YAE1: variants seen among roughly 807,000 people sequenced by gnomAD.
The protein encoded by YAE1 is YAE1 maturation factor of ABCE1.
In YAE1, 22 loss-of-function variants were observed where a neutral mutation model predicts 23.0. That is an observed-to-expected ratio of 0.96 (90% CI 0.68 to 1.37). The LOEUF is 1.37. Ranked by LOEUF, YAE1 falls within the 40% of genes most tolerant of loss-of-function variation. The pLI, the probability that YAE1 is intolerant of heterozygous loss-of-function variation, is 0.00. For missense variants in YAE1, 260 were observed against 262.1 expected (o/e 0.99, Z 0.06); for synonymous variants, 101 against 97.0 (o/e 1.04, Z -0.24).
At chr7:39,576,733 T>G (rs1016102065), downstream of YAE1, among the ~76,000 whole-genome samples, 1 of 152,080 alleles carries the variant, frequency 6.6e-6, no homozygotes, top group Non-Finnish European at 1.5e-5. Flanking sequence ...TTATTTAGTG[T>G]TATAGTCCCA....
chr7:39,593,177 CT>C (rs56303591), intron 2 of YAE1, among the ~76,000 whole-genome samples: 32 of 72,114 alleles, frequency 4.4e-4, no homozygotes, highest in Middle Eastern at 0.024. Context: ...TTGGTTATTT[CT>C]TTTTTTTTTT....
intron 2 of YAE1, 85 bp from the exon 3 acceptor site, chr7:39,572,192 C>T (rs919446488): frequency 1.5e-6 from 2 of 1,346,528 alleles, no homozygotes; most frequent in East Asian, 5.0e-5. Context: ...ATGATTAAGT[C>T]CAATCGTTTA....
chr7:39,573,370 T>C (rs183738190), downstream of YAE1, among the ~76,000 whole-genome samples: 2 of 152,318 alleles, frequency 1.3e-5, no homozygotes, highest in Admixed American at 1.3e-4. Flanking sequence ...GTTAGTAATA[T>C]TGCCTAACAG....
intron 2 of YAE1, among the ~76,000 whole-genome samples, chr7:39,598,419 T>TTG (rs1791008852): frequency 6.6e-6 from 1 of 151,770 alleles, no homozygotes; most frequent in African/African-American, 2.4e-5. Context: ...CAAGTTTTTT[T>TTG]TTTTTTTTTT....
chr7:39,569,140 T>C (rs1790524705), intron 1 of YAE1, among the ~76,000 whole-genome samples: 2 of 152,184 alleles, frequency 1.3e-5, no homozygotes, highest in African/African-American at 4.8e-5. Flanking sequence ...ATAAATCTTA[T>C]TGTTTGGCAA....
chr7:39,585,031 T>C (rs1281300717), intron 2 of YAE1, among the ~76,000 whole-genome samples: 1 of 152,186 alleles, frequency 6.6e-6, no homozygotes, highest in African/African-American at 2.4e-5. Context: ...ATGTCCTTCA[T>C]AGATAAGGAG....
At chr7:39,576,956 G>A (rs547772475), downstream of YAE1, among the ~76,000 whole-genome samples, 11 of 152,070 alleles carry the variant, frequency 7.2e-5, no homozygotes, top group South Asian at 2.1e-4. Context: ...GTGCAATGGC[G>A]CAATCTCGGC....
intron 2 of YAE1, among the ~76,000 whole-genome samples, chr7:39,579,470 A>G (rs1790709129): frequency 1.3e-5 from 2 of 152,194 alleles, no homozygotes; most frequent in Admixed American, 6.5e-5. Context: ...GGAGTTCGAG[A>G]CCAGCCTGGC....
rs140030699 is a variant in YAE1 at position 39,590,258 on chromosome 7, T to C, written c.252-19359T>C. ...CTTAAATGGTAATCTTTTTAATTAA[T>C]GGAGATATTTTAAAACAGATAATCA... On this transcript the variant is annotated intron_variant, in intron 2 of 2. Transcript: ENST00000432096. Among the ~76,000 whole-genome samples, 238 of 152,358 alleles carry C rather than the reference T, an allele frequency of 1.6e-3. 1 individual carries two copies. The highest frequency in any genetic ancestry group is 2.5e-3 in the Admixed American group (38 of 15,296).
intron 2 of YAE1, among the ~76,000 whole-genome samples, chr7:39,595,269 C>T (rs1790958502): frequency 6.6e-6 from 1 of 152,002 alleles, no homozygotes; most frequent in Non-Finnish European, 1.5e-5. Flanking sequence ...GGAACATTTC[C>T]AAGCATCACA....
At chr7:39,597,187 C>T (rs4236363) in intron 2 of YAE1, among the ~76,000 whole-genome samples, 21,648 of 152,168 alleles carry the variant, frequency 0.14, 4,002 homozygotes, top group African/African-American at 0.43. Context: ...AAATATTTAG[C>T]CTAGTAACGC....
chr7:39,570,376 T>G, intron 1 of YAE1, 130 bp from the exon 2 acceptor site: 1 of 1,027,974 alleles, frequency 9.7e-7, no homozygotes, highest in Middle Eastern at 3.1e-4. Context: ...TATATTGTTA[T>G]GCCATATTAT....
intron 1 of YAE1, among the ~76,000 whole-genome samples, chr7:39,567,717 A>G (rs745852658): frequency 1.5e-4 from 23 of 152,318 alleles, no homozygotes; most frequent in Non-Finnish European, 8.8e-5. Context: ...CTTCAATGGT[A>G]TAATATTTTA....
At chr7:39,569,741 TG>T (rs1583667439) in intron 1 of YAE1, 1 of 743,004 alleles carries the variant, frequency 1.3e-6, no homozygotes, top group East Asian at 2.5e-5. Context: ...GAAAGAGTGC[TG>T]ACGTACTACT....
downstream of YAE1, chr7:39,610,397 A>AATAT (rs1791194405): frequency 8.7e-6 from 4 of 457,976 alleles, no homozygotes; most frequent in Non-Finnish European, 1.7e-5. Context: ...AGAACATTCC[A>AATAT]ACGTTTCTGC....
chr7:39,596,973 T>C (rs1045634341), intron 2 of YAE1, among the ~76,000 whole-genome samples: 3 of 152,248 alleles, frequency 2.0e-5, no homozygotes, highest in Non-Finnish European at 4.4e-5. Context: ...CTGACTTTCT[T>C]TCTCTTGTAA....
intron 2 of YAE1, among the ~76,000 whole-genome samples, chr7:39,577,945 G>A (rs1002547969): frequency 6.6e-6 from 1 of 151,930 alleles, no homozygotes. Context: ...TCTAGCTCGA[G>A]GTTTGTAAAC....
intron 1 of YAE1, among the ~76,000 whole-genome samples, chr7:39,569,209 A>C (rs1216233357): frequency 6.6e-6 from 1 of 152,216 alleles, no homozygotes; most frequent in Non-Finnish European, 1.5e-5. Context: ...ATCATATTTC[A>C]AACTTACATA....
chr7:39,567,462 A>G (rs1455099553), intron 1 of YAE1, among the ~76,000 whole-genome samples: 1 of 151,578 alleles, frequency 6.6e-6, no homozygotes, highest in African/African-American at 2.4e-5. Flanking sequence ...ACTTCTCATC[A>G]TCCTTTTTTT....
Sources: allele counts gnomAD v4.1 joint callset (sites outside exome capture counted in the v4.1 genomes callset), GRCh38; gene constraint gnomAD v4.1.1; transcripts MANE v1.5; gene names NCBI Gene and HGNC (gene_info 2026-07-23, HGNC 2026-07-21).